Variants in CACNA2D1 observed in about 807,000 individuals in gnomAD.
CACNA2D1 encodes voltage-dependent calcium channel subunit alpha-2/delta-1.
A neutral mutation model predicts 171.5 loss-of-function variants in CACNA2D1; 53 were observed. That is an observed-to-expected ratio of 0.31 (90% CI 0.25 to 0.39). The LOEUF is 0.39. CACNA2D1 is among the 10% of genes least tolerant of loss of function. The pLI is 1.00. For synonymous variants in CACNA2D1, 442 were observed against 443.1 expected (o/e 1.00, Z 0.03); for missense variants, 903 against 1,299.8 (o/e 0.69, Z 4.69).
chr7:82,193,007 A>G (rs1214968453), intron 3 of CACNA2D1, among the ~76,000 whole-genome samples: 1 of 151,828 alleles, frequency 6.6e-6, no homozygotes, highest in Admixed American at 6.6e-5. Context: ...CTGGAACTAG[A>G]TCCCATTTGT....
At chr7:82,268,729 A>G (rs1314512536) in intron 3 of CACNA2D1, among the ~76,000 whole-genome samples, 1 of 151,348 alleles carries the variant, frequency 6.6e-6, no homozygotes, top group Non-Finnish European at 1.5e-5. Flanking sequence ...TGAGACCAAA[A>G]AAAAAAAAAA....
At chr7:82,119,740 A>G (rs1407103852) in intron 5 of CACNA2D1, among the ~76,000 whole-genome samples, 1 of 152,198 alleles carries the variant, frequency 6.6e-6, no homozygotes, top group African/African-American at 2.4e-5. Context: ...CAATCATACT[A>G]TGGCTACGTT....
intron 4 of CACNA2D1, among the ~76,000 whole-genome samples, chr7:82,152,274 C>T (rs1242721810): frequency 2.2e-5 from 3 of 137,640 alleles, no homozygotes; most frequent in Admixed American, 1.5e-4. Flanking sequence ...CCCCACCCCC[C>T]AAAAATAAAT....
chr7:82,098,767 G>C (rs1169653642), intron 6 of CACNA2D1, among the ~76,000 whole-genome samples: 1 of 152,116 alleles, frequency 6.6e-6, no homozygotes. Flanking sequence ...TGCACCTCTG[G>C]CTTTCTGAAA....
intron 3 of CACNA2D1, among the ~76,000 whole-genome samples, chr7:82,254,344 T>C (rs573072107): frequency 2.0e-5 from 3 of 152,324 alleles, no homozygotes; most frequent in Non-Finnish European, 4.4e-5. Flanking sequence ...CTTTTATTGG[T>C]TCACTTTGCT....
At chr7:81,991,080 T>C in intron 21 of CACNA2D1, 105 bp downstream of exon 21, 1 of 687,606 alleles carries the variant, frequency 1.5e-6, no homozygotes, top group East Asian at 2.6e-5. Context: ...TGTTTTCATG[T>C]TGGGAACTTT....
At chr7:82,276,772 C>T (rs1334724699) in intron 3 of CACNA2D1, among the ~76,000 whole-genome samples, 1 of 139,806 alleles carries the variant, frequency 7.2e-6, no homozygotes, top group East Asian at 2.1e-4. Context: ...TTTTTTTAGA[C>T]AGAGTCTCAT....
chr7:82,242,016 T>C (rs252853), intron 3 of CACNA2D1, among the ~76,000 whole-genome samples: 116,034 of 151,936 alleles, frequency 0.76, 45,373 homozygotes, highest in African/African-American at 0.93. Flanking sequence ...CATTCTCCAA[T>C]AAACTTCCTA....
chr7:82,371,702 G>C (rs1822439494), intron 1 of CACNA2D1, among the ~76,000 whole-genome samples: 1 of 152,054 alleles, frequency 6.6e-6, no homozygotes, highest in Non-Finnish European at 1.5e-5. Flanking sequence ...AGACTCCCGA[G>C]TAGCTGGGAC....
At chr7:82,081,651 T>C (rs754365074) in intron 7 of CACNA2D1, among the ~76,000 whole-genome samples, 3 of 152,110 alleles carry the variant, frequency 2.0e-5, no homozygotes, top group Non-Finnish European at 4.4e-5. Context: ...ACAGCTAATG[T>C]TTTGGAAAGA....
chr7:82,390,921 A>G (rs1321053072), intron 1 of CACNA2D1, among the ~76,000 whole-genome samples: 1 of 152,174 alleles, frequency 6.6e-6, no homozygotes, highest in Non-Finnish European at 1.5e-5. Context: ...GGGTAGTTTT[A>G]TTTAAGGCTC....
chr7:81,988,079 T>G (rs902037532), intron 21 of CACNA2D1, among the ~76,000 whole-genome samples: 14 of 152,236 alleles, frequency 9.2e-5, no homozygotes, highest in Admixed American at 2.6e-4. Context: ...CTTATAACTG[T>G]AGGAGAGCCA....
At chr7:82,280,509 G>C (rs1425932651) in intron 3 of CACNA2D1, among the ~76,000 whole-genome samples, 1 of 152,068 alleles carries the variant, frequency 6.6e-6, no homozygotes, top group Non-Finnish European at 1.5e-5. Flanking sequence ...CTACTCCCAA[G>C]CTGTAGTCCA....
chr7:82,339,805 T>C (rs781106450), intron 2 of CACNA2D1, among the ~76,000 whole-genome samples: 2 of 152,186 alleles, frequency 1.3e-5, no homozygotes, highest in Admixed American at 6.5e-5. Flanking sequence ...CAAACATCCA[T>C]ATCCTAATCC....
At chr7:82,158,017 C>T (rs1443723355) in intron 4 of CACNA2D1, among the ~76,000 whole-genome samples, 1 of 151,692 alleles carries the variant, frequency 6.6e-6, no homozygotes, top group Non-Finnish European at 1.5e-5. Flanking sequence ...TTCAGCATAG[C>T]TGAATATATA....
intron 9 of CACNA2D1, among the ~76,000 whole-genome samples, chr7:82,062,495 A>G (rs1442658794): frequency 6.6e-6 from 1 of 151,814 alleles, no homozygotes; most frequent in Non-Finnish European, 1.5e-5. Flanking sequence ...CTTTAGTGCT[A>G]TGTCATACTT....
chr7:82,212,831 T>C (rs770564538), intron 3 of CACNA2D1, among the ~76,000 whole-genome samples: 14 of 152,256 alleles, frequency 9.2e-5, no homozygotes, highest in South Asian at 4.2e-4. Flanking sequence ...ATTGCCTTGA[T>C]AGATTTAAGG....
chr7:82,302,704 A>T (rs1240785296), intron 3 of CACNA2D1, among the ~76,000 whole-genome samples: 1 of 152,212 alleles, frequency 6.6e-6, no homozygotes, highest in African/African-American at 2.4e-5. Flanking sequence ...GGCGTGAGCC[A>T]CTGTGCCCAG....
rs376346936 is a variant in CACNA2D1, at chr7:82,324,364, A to G, written c.294+10771T>C. Among the ~76,000 whole-genome samples the G allele has an allele frequency of 5.2e-4, 76 of 146,592 alleles. 3 individuals are homozygous for G. The South Asian group carries it at 0.017, about 33-fold the overall frequency. Reference sequence around the variant, plus strand: ...CAAGAGCCAAACTCCAAAAAAAAAAAAAGAAGAAGGAAGGAAGGAGTTGTT... The same window carrying G: ...CAAGAGCCAAACTCCAAAAAAAAAAGAAGAAGAAGGAAGGAAGGAGTTGTT... On this transcript the variant is annotated intron_variant, in intron 3 of 38. Coordinates refer to ENST00000356860, the MANE Select transcript of CACNA2D1 (RefSeq NM_000722.4).
Sources: allele counts gnomAD v4.1 joint callset (sites outside exome capture counted in the v4.1 genomes callset), GRCh38; gene constraint gnomAD v4.1.1; transcripts MANE v1.5; gene names NCBI Gene and HGNC (gene_info 2026-07-23, HGNC 2026-07-21).